RBFOX1: variants seen among roughly 807,000 people sequenced by gnomAD.
RBFOX1 encodes the protein RNA binding protein fox-1 homolog 1.
RBFOX1 carries 8 observed loss-of-function variants against 57.7 expected under a neutral mutation model. The ratio of observed to expected loss-of-function variants is 0.14; its 90% confidence interval spans 0.08 to 0.25. The LOEUF (loss-of-function observed/expected upper bound fraction) is 0.25. Among genes scored for constraint, RBFOX1 ranks in the 10% least tolerant of loss-of-function variants. The probability of loss-of-function intolerance (pLI) is 1.00; values close to 1 mark genes in which losing one functional copy is unlikely to be tolerated. For missense variants in RBFOX1, 611 were observed against 548.5 expected (o/e 1.11, Z -1.14); for synonymous variants, 326 against 222.4 (o/e 1.47, Z -4.15).
At chr16:7,000,206 G>C (rs1214734142) in intron 3 of RBFOX1, among the ~76,000 whole-genome samples, 1 of 151,864 alleles carries the variant, frequency 6.6e-6, no homozygotes, top group Admixed American at 6.6e-5. Flanking sequence ...ATTATGCCTT[G>C]AAAGTAGCAA....
chr16:7,494,220 A>T (rs2067845994), intron 4 of RBFOX1, among the ~76,000 whole-genome samples: 1 of 152,202 alleles, frequency 6.6e-6, no homozygotes, highest in Admixed American at 6.5e-5. Flanking sequence ...TGGTGGTCAG[A>T]TGAGATTGGC....
At chr16:5,838,287 G>T in intron 3 of RBFOX1, 1 of 224,102 alleles carries the variant, frequency 4.5e-6, no homozygotes, top group Non-Finnish European at 9.5e-6. Context: ...GGTATGGGTG[G>T]CGGCCTGCCT....
chr16:5,673,595 G>A (rs1335915991), intron 3 of RBFOX1, among the ~76,000 whole-genome samples: 2 of 152,156 alleles, frequency 1.3e-5, no homozygotes, highest in African/African-American at 2.4e-5. Context: ...CTCCATGGAG[G>A]GCAACTATCT....
At chr16:5,376,961 C>G (rs1041158660) in intron 1 of RBFOX1, among the ~76,000 whole-genome samples, 10 of 151,552 alleles carry the variant, frequency 6.6e-5, no homozygotes, top group Admixed American at 6.5e-4. Context: ...CCTCCCTTCT[C>G]CAAGTCTCTT....
At chr16:6,851,053 T>C (rs1204853143) in intron 3 of RBFOX1, among the ~76,000 whole-genome samples, 1 of 152,114 alleles carries the variant, frequency 6.6e-6, no homozygotes, top group East Asian at 1.9e-4. Context: ...AAAGAACAAA[T>C]TATTGATGAT....
chr16:5,849,184 C>T (rs1444450543), intron 3 of RBFOX1, among the ~76,000 whole-genome samples: 1 of 151,880 alleles, frequency 6.6e-6, no homozygotes. Flanking sequence ...TTTTTCATGG[C>T]CTTCAAGCAA....
At chr16:6,443,404 T>C (rs573549091) in intron 2 of RBFOX1, among the ~76,000 whole-genome samples, 38 of 152,100 alleles carry the variant, frequency 2.5e-4, no homozygotes, top group African/African-American at 9.2e-4. Flanking sequence ...ATCCCCCCCA[T>C]CCTGGCCAAG....
At chr16:7,056,282 C>T (rs1476554395) in intron 4 of RBFOX1, among the ~76,000 whole-genome samples, 2 of 152,168 alleles carry the variant, frequency 1.3e-5, no homozygotes, top group African/African-American at 2.4e-5. Flanking sequence ...ACGCACACTA[C>T]ACAACAGGGA....
rs566461090 is a variant in RBFOX1 at position 5,770,213 on chromosome 16, A to G, written c.319-97090A>G. On this transcript the variant is annotated intron_variant, in intron 3 of 19. Transcript: ENST00000641259. The stretch of plus-strand genomic sequence containing the variant: ...GGACATCAACAGGACTGTTTTCAGA[A>G]CACCAGTCACAACCCCGCTGATAAA... 2.6e-4 allele frequency among the ~76,000 whole-genome samples: 40 copies of G among 151,740 alleles called. 1 individual carries two copies. In the South Asian group the frequency reaches 8.0e-3, roughly 30 times the overall value.
chr16:6,620,184 G>T (rs1366490281), intron 2 of RBFOX1, among the ~76,000 whole-genome samples: 1 of 152,086 alleles, frequency 6.6e-6, no homozygotes, highest in Admixed American at 6.6e-5. Flanking sequence ...TTCAAAATCA[G>T]TCAGAATTCA....
chr16:5,267,383 C>T (rs1408916201), intron 1 of RBFOX1, among the ~76,000 whole-genome samples: 4 of 151,878 alleles, frequency 2.6e-5, no homozygotes, highest in East Asian at 3.9e-4. Context: ...CTGCAACCTC[C>T]GCCTCCTGGG....
intron 3 of RBFOX1, among the ~76,000 whole-genome samples, chr16:6,669,426 C>G (rs1340905111): frequency 6.6e-6 from 1 of 152,144 alleles, no homozygotes; most frequent in Non-Finnish European, 1.5e-5. Flanking sequence ...CCATCTTAAA[C>G]TAACAGCTAT....
intron 4 of RBFOX1, among the ~76,000 whole-genome samples, chr16:5,901,051 A>G (rs2058294129): frequency 6.6e-6 from 1 of 152,138 alleles, no homozygotes. Flanking sequence ...CCTCTCCATT[A>G]TTCCAGAGCA....
intron 3 of RBFOX1, among the ~76,000 whole-genome samples, chr16:6,890,512 C>G (rs944232949): frequency 7.7e-6 from 1 of 129,756 alleles, no homozygotes; most frequent in African/African-American, 2.9e-5. Flanking sequence ...GAGCGAGACT[C>G]CATCTCAAAA....
intron 2 of RBFOX1, among the ~76,000 whole-genome samples, chr16:5,587,300 T>A (rs9989369): frequency 0.26 from 38,957 of 152,116 alleles, 6,386 homozygotes; most frequent in East Asian, 0.5. Context: ...CAAAGAAGAT[T>A]CACAAATGGC....
chr16:5,740,981 TAGGTTAA>T (rs2052750950), intron 3 of RBFOX1, among the ~76,000 whole-genome samples: 1 of 152,176 alleles, frequency 6.6e-6, no homozygotes, highest in African/African-American at 2.4e-5. Context: ...GTCCTTAAAA[TAGGTTAA>T]AGGAGGCAGG....
At chr16:5,535,376 C>A (rs953747104) in intron 2 of RBFOX1, among the ~76,000 whole-genome samples, 1 of 152,134 alleles carries the variant, frequency 6.6e-6, no homozygotes, top group Non-Finnish European at 1.5e-5. Flanking sequence ...GCCTGTGAAA[C>A]TCAATACACA....
At chr16:6,954,533 C>T (rs1396735350) in intron 3 of RBFOX1, among the ~76,000 whole-genome samples, 1 of 152,154 alleles carries the variant, frequency 6.6e-6, no homozygotes, top group East Asian at 1.9e-4. Flanking sequence ...GGATAAAATA[C>T]ATGCCAACTG....
chr16:7,487,663 C>T (rs1404884699), intron 4 of RBFOX1, among the ~76,000 whole-genome samples: 4 of 152,026 alleles, frequency 2.6e-5, no homozygotes, highest in Non-Finnish European at 4.4e-5. Flanking sequence ...TGAGACCGAG[C>T]ACCACACGCA....
Sources: allele counts gnomAD v4.1 joint callset (sites outside exome capture counted in the v4.1 genomes callset), GRCh38; gene constraint gnomAD v4.1.1; transcripts MANE v1.5; gene names NCBI Gene and HGNC (gene_info 2026-07-23, HGNC 2026-07-21).